DARS2: variants seen among roughly 807,000 people sequenced by gnomAD.
The protein encoded by DARS2 is aspartyl-tRNA synthetase 2, mitochondrial.
Under a neutral mutation model 83.0 loss-of-function variants are expected in DARS2, and 63 were observed. The observed-to-expected ratio is 0.76, with a 90% CI of 0.62 to 0.94. The LOEUF (loss-of-function observed/expected upper bound fraction) is 0.94. DARS2 is among the 40% of genes least tolerant of loss of function. The pLI, the probability that DARS2 is intolerant of heterozygous loss-of-function variation, is 0.00. For missense variants in DARS2, 675 were observed against 774.4 expected (o/e 0.87, Z 1.52); for synonymous variants, 250 against 269.3 (o/e 0.93, Z 0.70).
intron 1 of DARS2, among the ~76,000 whole-genome samples, chr1:173,826,052 C>G (rs1652534214): frequency 6.6e-6 from 1 of 150,852 alleles, no homozygotes; most frequent in Non-Finnish European, 1.5e-5. Context: ...GAAACCCCGT[C>G]TCTACTAAAA....
At chr1:173,845,023 A>G (rs575022260) in intron 11 of DARS2, among the ~76,000 whole-genome samples, 1 of 152,020 alleles carries the variant, frequency 6.6e-6, no homozygotes, top group South Asian at 2.1e-4. Flanking sequence ...TGAACTCCCA[A>G]CTTTCAAGCA....
At chr1:173,836,204 A>T (rs1652998642) in intron 7 of DARS2, among the ~76,000 whole-genome samples, 1 of 151,368 alleles carries the variant, frequency 6.6e-6, no homozygotes, top group South Asian at 2.1e-4. Context: ...TGGGTGACAG[A>T]CCAAGACTCT....
At chr1:173,842,284 CTTTTTTTTTT>C (rs1178547914) in intron 11 of DARS2, among the ~76,000 whole-genome samples, 16 of 64,252 alleles carry the variant, frequency 2.5e-4, no homozygotes, top group African/African-American at 7.3e-4. Flanking sequence ...TCATTACTTT[CTTTTTTTTTT>C]TTTTTTTTTT....
intron 3 of DARS2, among the ~76,000 whole-genome samples, chr1:173,829,507 T>TG (rs1652714840): frequency 1.3e-5 from 2 of 152,196 alleles, no homozygotes; most frequent in East Asian, 3.9e-4. Context: ...AGGCCAGGCA[T>TG]GGTGGCTCAC....
intron 15 of DARS2, among the ~76,000 whole-genome samples, chr1:173,855,149 GCTGGAGTGCAGT>G (rs1653813815): frequency 6.6e-6 from 1 of 151,364 alleles, no homozygotes; most frequent in African/African-American, 2.4e-5. Context: ...TGTCGCCCAG[GCTGGAGTGCAGT>G]GGCTCAATCT....
intron 5 of DARS2, among the ~76,000 whole-genome samples, chr1:173,833,148 A>G (rs1201318046): frequency 6.6e-6 from 1 of 152,188 alleles, no homozygotes; most frequent in Non-Finnish European, 1.5e-5. Flanking sequence ...AAGTAGGCAA[A>G]TTTCAGTCAG....
intron 10 of DARS2, among the ~76,000 whole-genome samples, chr1:173,839,761 C>T (rs1007407069): frequency 1.2e-4 from 19 of 152,176 alleles, no homozygotes; most frequent in Admixed American, 9.2e-4. Context: ...TTTCCAAGAG[C>T]GAGATTCTTG....
Position 173,825,342 on chromosome 1 carries a change from A to G in DARS2, c.113A>G (p.Gln38Arg). The G allele has an allele frequency of 6.2e-7, 1 of 1,613,622 alleles. No individual in the cohort carries two copies. The highest frequency in any genetic ancestry group is 8.5e-7 in the Non-Finnish European group (1 of 1,179,730). ...SLYRSLLQSS[Q>R]RRIPEFSSFV... ...TACAGAAGTCTGTTGCAGAGTTCAC[A>G]GAGGAGAATTCCAGGTGAAAATAGC... Residue 38 changes from glutamine (Q) to arginine (R), a missense_variant, in exon 1 of 17, where the codon CAG becomes CGG. Gln to Arg is a conservative substitution (Grantham distance 43, BLOSUM62 1). Transcript: ENST00000649689.
intron 11 of DARS2, among the ~76,000 whole-genome samples, chr1:173,844,553 C>T (rs1266897734): frequency 1.3e-5 from 2 of 151,010 alleles, no homozygotes; most frequent in East Asian, 3.9e-4. Flanking sequence ...ACCTGTAATC[C>T]CAGCTACTTG....
intron 2 of DARS2, among the ~76,000 whole-genome samples, chr1:173,827,231 T>TC (rs1354310086): frequency 6.6e-6 from 1 of 152,162 alleles, no homozygotes; most frequent in Admixed American, 6.5e-5. Flanking sequence ...TTCCTTAAGA[T>TC]CAGAGCCCAT....
intron 10 of DARS2, among the ~76,000 whole-genome samples, chr1:173,840,622 A>T (rs1251813162): frequency 4.6e-5 from 7 of 152,144 alleles, no homozygotes; most frequent in Non-Finnish European, 1.5e-5. Context: ...CAAGTTCCTT[A>T]TTTCTGTGTC....
intron 15 of DARS2, among the ~76,000 whole-genome samples, chr1:173,854,629 C>A (rs1341692484): frequency 6.6e-6 from 1 of 152,090 alleles, no homozygotes; most frequent in Admixed American, 6.6e-5. Flanking sequence ...TGAGGTGGCT[C>A]TTAAGCCCAT....
At chr1:173,840,759 GTTAAATT>G (rs1653172518) in intron 10 of DARS2, 100 bp from the exon 11 acceptor site, 2 of 719,236 alleles carry the variant, frequency 2.8e-6, no homozygotes, top group Non-Finnish European at 4.9e-6. Context: ...TTCTATAAAT[GTTAAATT>G]ATCAAGATCT....
intron 5 of DARS2, 123 bp downstream of exon 5, chr1:173,831,753 C>A: frequency 1.3e-6 from 1 of 766,302 alleles, no homozygotes; most frequent in Non-Finnish European, 2.3e-6. Flanking sequence ...ATTGTAGACA[C>A]ATCATGAAGT....
chr1:173,833,773 CTT>C (rs912196645), intron 6 of DARS2, among the ~76,000 whole-genome samples: 2 of 144,994 alleles, frequency 1.4e-5, no homozygotes. Context: ...GATTTCTTTT[CTT>C]TTTTTTTTTT....
At position 173,857,608 on chromosome 1, in the gene DARS2, T is replaced by C; in HGVS notation, c.1841T>C (p.Met614Thr). 2 of 1,614,178 alleles carry C rather than the reference T, an allele frequency of 1.2e-6. No homozygotes were observed. Among genetic ancestry groups the C allele is most frequent in the Non-Finnish European group, 1.7e-6 (2 of 1,180,016 alleles). The change falls in exon 17 of 17, where the codon ATG becomes ACG. Residue 614 changes from methionine to threonine, a missense_variant. Transcript: ENST00000649689. ...FPKSFRGHDL[M>T]SNTPDSVPPE... ...AAGTCCTTCCGGGGACATGACCTCA[T>C]GAGCAATACCCCAGATTCTGTCCCT...
chr1:173,834,176 T>TA (rs1179323183), intron 6 of DARS2, among the ~76,000 whole-genome samples: 9 of 152,228 alleles, frequency 5.9e-5, no homozygotes, highest in African/African-American at 2.2e-4. Context: ...ATATTTGTGT[T>TA]ATTTCTACAC....
chr1:173,857,232 ACTGTTGAAT>A (rs1198068216), intron 16 of DARS2, among the ~76,000 whole-genome samples: 2 of 152,154 alleles, frequency 1.3e-5, no homozygotes, highest in Non-Finnish European at 2.9e-5. Flanking sequence ...CACCAAATAC[ACTGTTGAAT>A]CTGTTTTAGG....
At chr1:173,854,207 C>T (rs187782431) in intron 15 of DARS2, among the ~76,000 whole-genome samples, 1 of 152,158 alleles carries the variant, frequency 6.6e-6, no homozygotes, top group Non-Finnish European at 1.5e-5. Context: ...AAACTCCTGC[C>T]CTCAAGCACT....
Sources: allele counts gnomAD v4.1 joint callset (sites outside exome capture counted in the v4.1 genomes callset), GRCh38; gene constraint gnomAD v4.1.1; transcripts MANE v1.5; gene names NCBI Gene and HGNC (gene_info 2026-07-23, HGNC 2026-07-21).